Variants in PHKB observed in about 807,000 individuals in gnomAD.
PHKB encodes phosphorylase kinase regulatory subunit beta.
In PHKB, 122 loss-of-function variants were observed where a neutral mutation model predicts 152.1. The ratio of observed to expected loss-of-function variants is 0.80; its 90% CI spans 0.69 to 0.93. The LOEUF is 0.93. PHKB is among the 40% of genes least tolerant of loss of function. The pLI is 0.00. For synonymous variants in PHKB, 436 were observed against 464.9 expected, an observed-to-expected ratio of 0.94 and a Z score of 0.80; for missense variants, 1,304 against 1,328.4, an observed-to-expected ratio of 0.98 and a Z score of 0.29.
chr16:47,544,115 A>T (rs752132287), intron 6 of PHKB, among the ~76,000 whole-genome samples: 1 of 151,536 alleles, frequency 6.6e-6, no homozygotes, highest in Non-Finnish European at 1.5e-5. Context: ...TTAGTTATTT[A>T]TTGCCTTCTC....
At chr16:47,520,234 T>G (rs1252298619) in intron 6 of PHKB, among the ~76,000 whole-genome samples, 1 of 152,158 alleles carries the variant, frequency 6.6e-6, no homozygotes, top group African/African-American at 2.4e-5. Context: ...AATAGAAAGA[T>G]AACACTGTCC....
At chr16:47,503,526 T>C (rs186596103) in intron 4 of PHKB, among the ~76,000 whole-genome samples, 3 of 152,308 alleles carry the variant, frequency 2.0e-5, no homozygotes, top group Admixed American at 6.5e-5. Context: ...CTAGGAATTA[T>C]AGGCTTAGAA....
intron 6 of PHKB, among the ~76,000 whole-genome samples, chr16:47,546,347 A>G (rs1163851712): frequency 6.6e-6 from 1 of 152,074 alleles, no homozygotes; most frequent in Non-Finnish European, 1.5e-5. Flanking sequence ...CAGGCCCCTC[A>G]GCTGCAGCTC....
At chr16:47,696,751 C>T (rs1974155650) in intron 29 of PHKB, among the ~76,000 whole-genome samples, 1 of 152,194 alleles carries the variant, frequency 6.6e-6, no homozygotes, top group African/African-American at 2.4e-5. Context: ...GAACCGACCC[C>T]TGCTTTTCAG....
At chr16:47,470,496 G>C (rs1387834352) in intron 1 of PHKB, among the ~76,000 whole-genome samples, 1 of 152,200 alleles carries the variant, frequency 6.6e-6, no homozygotes, top group Non-Finnish European at 1.5e-5. Flanking sequence ...CATCATGAAC[G>C]TATCGCAGTG....
Position 47,542,516 on chromosome 16 carries a change from C to G in PHKB, c.595-4917C>G, listed in dbSNP as rs550773236. Among the ~76,000 whole-genome samples the G allele has an allele frequency of 1.3e-4, 20 of 152,092 alleles. 1 individual carries two copies. The highest frequency in any genetic ancestry group is 3.6e-4 in the African/African-American group (15 of 41,498). On this transcript the variant is annotated intron_variant, in intron 6 of 30. Transcript: ENST00000323584. ...TTGGTTCCATATGAACTTTAAAGTA[C>G]TTTTTTCCAATTCTGTGAAGAAAGT...
At chr16:47,663,888 G>A (rs2151738313) in intron 24 of PHKB, 154 bp downstream of exon 24, 1 of 667,302 alleles carries the variant, frequency 1.5e-6, no homozygotes, top group East Asian at 2.7e-5. Context: ...TGCCTATGTA[G>A]CATGTCTGTC....
intron 27 of PHKB, 143 bp from the exon 28 acceptor site, chr16:47,693,235 T>C: frequency 1.3e-6 from 1 of 785,112 alleles, no homozygotes; most frequent in South Asian, 1.5e-5. Context: ...TACTAGCCTC[T>C]GTAACACACG....
At chr16:47,560,127 T>C (rs1215815049) in intron 7 of PHKB, among the ~76,000 whole-genome samples, 1 of 152,216 alleles carries the variant, frequency 6.6e-6, no homozygotes, top group Non-Finnish European at 1.5e-5. Context: ...CAATTATTCT[T>C]GAAAAATCAG....
intron 6 of PHKB, among the ~76,000 whole-genome samples, chr16:47,532,850 T>A (rs1970885597): frequency 6.6e-6 from 1 of 152,254 alleles, no homozygotes; most frequent in Admixed American, 6.5e-5. Flanking sequence ...CCCACCATTT[T>A]ATGGGTCCCA....
chr16:47,546,557 G>C (rs1180052918), intron 6 of PHKB, among the ~76,000 whole-genome samples: 1 of 152,192 alleles, frequency 6.6e-6, no homozygotes, highest in Non-Finnish European at 1.5e-5. Flanking sequence ...AGGCTACATG[G>C]GGGTCAGGGA....
chr16:47,655,579 C>T (rs1397100654), intron 20 of PHKB, among the ~76,000 whole-genome samples: 2 of 152,100 alleles, frequency 1.3e-5, no homozygotes, highest in African/African-American at 4.8e-5. Context: ...GAAGGTTTCT[C>T]CTTTTCTTTT....
intron 10 of PHKB, among the ~76,000 whole-genome samples, chr16:47,592,895 T>G (rs962892585): frequency 1.2e-4 from 19 of 152,174 alleles, no homozygotes; most frequent in South Asian, 2.1e-4. Context: ...TCAGTTCAAC[T>G]TTATTGCTAT....
intron 8 of PHKB, among the ~76,000 whole-genome samples, chr16:47,583,205 G>A (rs773126773): frequency 2.6e-5 from 4 of 152,018 alleles, no homozygotes; most frequent in African/African-American, 4.8e-5. Flanking sequence ...ATTCCCTTTC[G>A]TCTCTTTTTT....
intron 16 of PHKB, among the ~76,000 whole-genome samples, chr16:47,643,936 G>A (rs374486275): frequency 6.6e-6 from 1 of 151,930 alleles, no homozygotes; most frequent in Non-Finnish European, 1.5e-5. Flanking sequence ...ATGTATTTCC[G>A]GGTAGTTTGG....
intron 10 of PHKB, among the ~76,000 whole-genome samples, chr16:47,592,692 T>C (rs991678714): frequency 6.6e-6 from 1 of 152,186 alleles, no homozygotes; most frequent in Non-Finnish European, 1.5e-5. Context: ...CCTATTAGGC[T>C]GTGAGCCTCT....
At chr16:47,526,602 A>C (rs1970772756) in intron 6 of PHKB, among the ~76,000 whole-genome samples, 1 of 152,156 alleles carries the variant, frequency 6.6e-6, no homozygotes, top group Admixed American at 6.5e-5. Context: ...TGACAGAGCA[A>C]GATTCCATCT....
At position 47,631,670 on chromosome 16, in the gene PHKB, T is replaced by A. The variant is rs990147360; in HGVS notation, c.1459-9365T>A. 1.4e-4 allele frequency among the ~76,000 whole-genome samples: 22 copies of A among 152,282 alleles called. No individual in the cohort carries two copies. In the East Asian group the frequency reaches 4.2e-3, roughly 29 times the overall value. On this transcript the variant is annotated intron_variant, in intron 14 of 30. Transcript: ENST00000323584. ...CAGGCCCCAGTGTGTGATGTTCCCC[T>A]CTCTGTGTCCATTTGTTCTCATTGT... is the stretch of plus-strand genomic sequence containing the variant.
intron 14 of PHKB, among the ~76,000 whole-genome samples, chr16:47,634,653 C>T (rs1426278756): frequency 6.6e-6 from 1 of 152,088 alleles, no homozygotes; most frequent in South Asian, 2.1e-4. Flanking sequence ...GACCAGAGAG[C>T]ATTCATTCTG....
Sources: gnomAD v4.1 joint callset for allele counts (sites outside exome capture counted in the v4.1 genomes callset) on GRCh38, gnomAD v4.1.1 for gene constraint, MANE v1.5 for transcripts, NCBI Gene and HGNC (gene_info 2026-07-23, HGNC 2026-07-21) for gene names.